Variants in ZNF717 observed in about 807,000 individuals in gnomAD.
ZNF717 encodes the protein zinc finger protein 717.
Under a neutral mutation model 13.8 loss-of-function variants are expected in ZNF717, and 9 were observed. The observed-to-expected ratio is 0.65, with a 90% CI of 0.39 to 1.14. ZNF717 has a LOEUF of 1.14. Among genes scored for constraint, ZNF717 ranks in the 50% most tolerant of loss-of-function variants. ZNF717 has a pLI of 0.01. For synonymous variants in ZNF717, 327 were observed against 364.1 expected (o/e 0.90, Z 1.16); for missense variants, 1,040 against 1,080.7 (o/e 0.96, Z 0.53).
At chr3:75,714,587 T>C (rs2106843985) in intron 5 of ZNF717, among the ~76,000 whole-genome samples, 1 of 152,244 alleles carries the variant, frequency 6.6e-6, no homozygotes, top group East Asian at 1.9e-4. Flanking sequence ...GAACAGCTCT[T>C]GCCCTCAGTC....
chr3:75,771,935 GCA>G (rs1401536724), intron 2 of ZNF717, among the ~76,000 whole-genome samples: 1 of 152,256 alleles, frequency 6.6e-6, no homozygotes, highest in Non-Finnish European at 1.5e-5. Flanking sequence ...CCAAACCCAG[GCA>G]CAGTCGCAAC....
chr3:75,730,205 T>A (rs1357745020), exon 6 of ZNF717: 1 of 160,600 alleles, frequency 6.2e-6, no homozygotes, highest in Non-Finnish European at 1.4e-5. Flanking sequence ...ACAGGAAAGT[T>A]ACAAGACCAT....
At chr3:75,735,514 G>A (rs940841299), downstream of ZNF717, among the ~76,000 whole-genome samples, 878 of 150,218 alleles carry the variant, frequency 5.8e-3, no homozygotes, top group African/African-American at 0.021. Context: ...CTAGCTAATT[G>A]CATACTTGTA....
chr3:75,701,604 T>C (rs1461546136), intron 6 of ZNF717, among the ~76,000 whole-genome samples: 1 of 152,304 alleles, frequency 6.6e-6, no homozygotes, highest in Non-Finnish European at 1.5e-5. Context: ...AGGCAGAGAA[T>C]TGCTTGAACC....
At chr3:75,699,654 G>A (rs1205620907) in intron 6 of ZNF717, among the ~76,000 whole-genome samples, 1 of 152,292 alleles carries the variant, frequency 6.6e-6, no homozygotes, top group Admixed American at 6.5e-5. Context: ...CCAGTGCTAT[G>A]CTTTCTGTAT....
chr3:75,709,418 G>A (rs1575715180), downstream of ZNF717, among the ~76,000 whole-genome samples: 1 of 152,142 alleles, frequency 6.6e-6, no homozygotes, highest in African/African-American at 2.4e-5. Context: ...ATGTCCCCAG[G>A]CCCCACCTCC....
intron 5 of ZNF717, among the ~76,000 whole-genome samples, chr3:75,713,947 T>C (rs1381300508): frequency 6.6e-6 from 1 of 152,128 alleles, no homozygotes; most frequent in East Asian, 1.9e-4. Context: ...CCCTTCCCTG[T>C]TTGGCAGCTG....
At chr3:75,781,586 G>A in intron 2 of ZNF717, among the ~76,000 whole-genome samples, 1 of 152,104 alleles carries the variant, frequency 6.6e-6, no homozygotes, top group East Asian at 1.9e-4. Flanking sequence ...AATATGAATA[G>A]ACTCTCCCTT....
intron 5 of ZNF717, among the ~76,000 whole-genome samples, chr3:75,716,066 G>A (rs1440180884): frequency 6.6e-6 from 1 of 151,224 alleles, no homozygotes; most frequent in Non-Finnish European, 1.5e-5. Context: ...CACTTCCCAG[G>A]TTCAAGTGAT....
chr3:75,758,987 A>C (rs1278576399), intron 2 of ZNF717, among the ~76,000 whole-genome samples: 5 of 152,250 alleles, frequency 3.3e-5, no homozygotes, highest in South Asian at 2.1e-4. Flanking sequence ...CACACACACA[A>C]AAAAAGATTG....
chr3:75,748,576 C>G (rs1169940622), intron 2 of ZNF717, among the ~76,000 whole-genome samples: 1 of 152,060 alleles, frequency 6.6e-6, no homozygotes, highest in Non-Finnish European at 1.5e-5. Flanking sequence ...ATAAACAGAA[C>G]CAAAGACAAA....
chr3:75,768,193 A>G (rs1943627421), intron 2 of ZNF717, among the ~76,000 whole-genome samples: 2 of 152,182 alleles, frequency 1.3e-5, no homozygotes, highest in South Asian at 4.1e-4. Context: ...AACCCCATCT[A>G]AAGAGAAATG....
At chr3:75,774,820 CG>C (rs1402565597) in intron 2 of ZNF717, among the ~76,000 whole-genome samples, 6 of 151,864 alleles carry the variant, frequency 4.0e-5, no homozygotes. Flanking sequence ...GGGGTTTCGC[CG>C]TGTTAGCCAG....
intron 2 of ZNF717, among the ~76,000 whole-genome samples, chr3:75,756,967 AG>A (rs1942547677): frequency 6.8e-6 from 1 of 146,992 alleles, no homozygotes; most frequent in African/African-American, 2.5e-5. Flanking sequence ...TGACAGCCAC[AG>A]CGCCCGGCCT....
At chr3:75,704,114 G>A (rs1289461459) in intron 6 of ZNF717, among the ~76,000 whole-genome samples, 4 of 152,308 alleles carry the variant, frequency 2.6e-5, no homozygotes, top group Admixed American at 2.6e-4. Context: ...CACCTTCCAA[G>A]TTTAATTATA....
intron 4 of ZNF717, among the ~76,000 whole-genome samples, chr3:75,718,551 A>G (rs1160928132): frequency 6.6e-6 from 1 of 152,294 alleles, no homozygotes; most frequent in East Asian, 1.9e-4. Flanking sequence ...ACAGTTATAT[A>G]AGTTACATCA....
intron 5 of ZNF717, among the ~76,000 whole-genome samples, chr3:75,714,499 A>G (rs1220894133): frequency 6.6e-6 from 1 of 152,028 alleles, no homozygotes; most frequent in African/African-American, 2.4e-5. Context: ...ACTAATGATT[A>G]ATGATATTCA....
intron 2 of ZNF717, among the ~76,000 whole-genome samples, chr3:75,749,063 T>C (rs1575817018): frequency 6.6e-6 from 1 of 152,072 alleles, no homozygotes; most frequent in Non-Finnish European, 1.5e-5. Flanking sequence ...TCTGAATGTT[T>C]GTCCATCACG....
chr3:75,762,856 G>T (rs1344270885), intron 2 of ZNF717, among the ~76,000 whole-genome samples: 1 of 152,032 alleles, frequency 6.6e-6, no homozygotes, highest in Non-Finnish European at 1.5e-5. Context: ...GAAACTTATG[G>T]ACCAACACAA....
Sources: gnomAD v4.1 joint callset for allele counts (sites outside exome capture counted in the v4.1 genomes callset) on GRCh38, gnomAD v4.1.1 for gene constraint, MANE v1.5 for transcripts, NCBI Gene and HGNC (gene_info 2026-07-23, HGNC 2026-07-21) for gene names.